Variants in TMTC2 observed in about 807,000 individuals in gnomAD.
The protein encoded by TMTC2 is protein O-mannosyl-transferase TMTC2.
In TMTC2, 43 loss-of-function variants were observed where a neutral mutation model predicts 82.4. The ratio of observed to expected loss-of-function variants is 0.52; its 90% confidence interval spans 0.41 to 0.67. The LOEUF is 0.67. Ranked by LOEUF, TMTC2 falls within the 30% of genes least tolerant of loss-of-function variation. TMTC2 has a pLI of 0.00. For synonymous variants in TMTC2, 408 were observed against 381.9 expected, an observed-to-expected ratio of 1.07 and a Z score of -0.80; for missense variants, 919 against 1,012.4, an observed-to-expected ratio of 0.91 and a Z score of 1.25.
chr12:83,094,406 T>G (rs551671622), intron 11 of TMTC2, among the ~76,000 whole-genome samples: 4 of 152,266 alleles, frequency 2.6e-5, no homozygotes, highest in Admixed American at 6.5e-5. Flanking sequence ...AGAATATAAA[T>G]CTTGAGATCT....
chr12:83,070,108 T>A (rs1402469492), intron 11 of TMTC2, among the ~76,000 whole-genome samples: 1 of 152,204 alleles, frequency 6.6e-6, no homozygotes. Flanking sequence ...TAGTTTGAAA[T>A]CAGGTAGTAT....
chr12:83,118,308 C>T (rs12316375), intron 11 of TMTC2, among the ~76,000 whole-genome samples: 5,417 of 152,110 alleles, frequency 0.036, 156 homozygotes, highest in South Asian at 0.1. Context: ...CCTGTAGGTT[C>T]GTCAGAGACG....
chr12:82,861,811 T>C (rs1473449038), intron 2 of TMTC2, among the ~76,000 whole-genome samples: 1 of 152,250 alleles, frequency 6.6e-6, no homozygotes, highest in Non-Finnish European at 1.5e-5. Context: ...ATCAGTGTTT[T>C]AGAGTAGTCT....
chr12:82,910,880 T>C (rs1258413728), intron 3 of TMTC2, among the ~76,000 whole-genome samples: 2 of 150,610 alleles, frequency 1.3e-5, no homozygotes, highest in Non-Finnish European at 3.0e-5. Context: ...TTTTTTTCTT[T>C]TTTTTTTTTT....
intron 4 of TMTC2, among the ~76,000 whole-genome samples, chr12:82,947,255 T>G (rs1877057787): frequency 6.6e-6 from 1 of 152,202 alleles, no homozygotes; most frequent in African/African-American, 2.4e-5. Context: ...CCAACTTTAG[T>G]GTTAGGTGCA....
chr12:82,942,016 C>T (rs143955126), intron 4 of TMTC2, among the ~76,000 whole-genome samples: 42 of 152,244 alleles, frequency 2.8e-4, no homozygotes, highest in Non-Finnish European at 5.9e-4. Context: ...GCTGGGATTA[C>T]AGGCATGAGC....
intron 1 of TMTC2, among the ~76,000 whole-genome samples, chr12:82,788,727 C>G (rs928690142): frequency 1.3e-5 from 2 of 152,162 alleles, no homozygotes; most frequent in African/African-American, 2.4e-5. Flanking sequence ...CTTAACATCT[C>G]CTTGCACTCA....
intron 1 of TMTC2, among the ~76,000 whole-genome samples, chr12:82,727,229 C>G (rs1444708156): frequency 1.3e-5 from 2 of 152,072 alleles, no homozygotes; most frequent in Non-Finnish European, 2.9e-5. Context: ...CTTAACCTTT[C>G]TTCTAGTCTT....
chr12:82,857,933 A>G (rs1033146272), intron 2 of TMTC2, among the ~76,000 whole-genome samples: 1 of 152,246 alleles, frequency 6.6e-6, no homozygotes, highest in Non-Finnish European at 1.5e-5. Context: ...TGTAAAAAAT[A>G]ACACGGCTGA....
rs979070350 is a variant in TMTC2, at chr12:82,967,078, A to C, written c.1948+81A>C. 4.7e-6 allele frequency: 5 copies of C among 1,056,104 alleles called. No individual in the cohort carries two copies. In the African/African-American group the frequency reaches 6.4e-5, roughly 14 times the overall value. 65.4% of individuals were successfully genotyped at this position (1,056,104 alleles called of 1,614,324 possible). ...GGAACCCATGTTCGTGTTTAATGGA[A>C]TTCTAATAAATCATATTAATCCTCA... On this transcript the variant is annotated intron_variant, in intron 7 of 11. Transcript: ENST00000321196.
intron 1 of TMTC2, among the ~76,000 whole-genome samples, chr12:82,688,865 C>T (rs1320284905): frequency 6.6e-6 from 1 of 152,160 alleles, no homozygotes; most frequent in African/African-American, 2.4e-5. Context: ...TCGTAATTAG[C>T]CACATTCTGT....
intron 11 of TMTC2, among the ~76,000 whole-genome samples, chr12:83,068,945 G>C (rs1883014230): frequency 6.6e-6 from 1 of 152,036 alleles, no homozygotes; most frequent in Admixed American, 6.5e-5. Flanking sequence ...ACATATCATT[G>C]AGAACATACG....
intron 1 of TMTC2, among the ~76,000 whole-genome samples, chr12:82,729,806 C>A (rs780921284): frequency 6.6e-6 from 1 of 152,208 alleles, no homozygotes; most frequent in Non-Finnish European, 1.5e-5. Context: ...TGCAATAAAT[C>A]TTGCTGCTGC....
intron 2 of TMTC2, among the ~76,000 whole-genome samples, chr12:82,868,606 C>G (rs1433355712): frequency 1.3e-5 from 2 of 151,764 alleles, no homozygotes; most frequent in African/African-American, 4.8e-5. Flanking sequence ...TCTCCCCAAA[C>G]CACCCTGTTT....
At chr12:83,092,420 T>C (rs892491242) in intron 11 of TMTC2, among the ~76,000 whole-genome samples, 2 of 152,304 alleles carry the variant, frequency 1.3e-5, no homozygotes, top group East Asian at 1.9e-4. Context: ...AAGAGTTTCC[T>C]TTTATGGAAG....
In TMTC2 at chr12:83,032,255, TTTTATA is replaced by T. The variant is rs1244998894; in HGVS notation, c.2152+1378_2152+1383del. Among the ~76,000 whole-genome samples the T allele has an allele frequency of 3.5e-3, 302 of 85,690 alleles. 2 individuals carry two copies. Among genetic ancestry groups the T allele is most frequent in the African/African-American group, 0.015 (289 of 19,230 alleles). 56.2% of individuals were successfully genotyped at this position (85,690 alleles called of 152,430 possible). Reference sequence around the variant, plus strand: ...GTTTCCTATAATATTATAGAGAATATTTTATATATATATATATATATATATATATAT... The same window carrying T: ...GTTTCCTATAATATTATAGAGAATATTATATATATATATATATATATATAT... On this transcript the variant is annotated intron_variant, in intron 9 of 11. Transcript: ENST00000321196.
chr12:82,747,493 T>C (rs1408818704), intron 1 of TMTC2, among the ~76,000 whole-genome samples: 1 of 152,178 alleles, frequency 6.6e-6, no homozygotes, highest in Non-Finnish European at 1.5e-5. Flanking sequence ...AAAAGCTAAA[T>C]AATGGTAATT....
At chr12:82,730,296 CAAA>C (rs368959079) in intron 1 of TMTC2, among the ~76,000 whole-genome samples, 13 of 79,004 alleles carry the variant, frequency 1.6e-4, no homozygotes, top group South Asian at 1.2e-3. Flanking sequence ...CTCTGTCTCT[CAAA>C]AAAAAAAAAA....
chr12:82,975,030 A>G (rs1878609553), intron 7 of TMTC2, among the ~76,000 whole-genome samples: 1 of 152,234 alleles, frequency 6.6e-6, no homozygotes, highest in Middle Eastern at 3.4e-3. Flanking sequence ...GTATCTATCT[A>G]TGACTTGTTT....
Sources: gnomAD v4.1 joint callset for allele counts (sites outside exome capture counted in the v4.1 genomes callset) on GRCh38, gnomAD v4.1.1 for gene constraint, MANE v1.5 for transcripts, NCBI Gene and HGNC (gene_info 2026-07-23, HGNC 2026-07-21) for gene names.